The following CCSER1 variants were observed in gnomAD, a reference collection of about 807,000 sequenced individuals.
CCSER1 encodes coiled-coil serine rich protein 1.
A neutral mutation model predicts 82.0 loss-of-function variants in CCSER1; 41 were observed. The observed-to-expected ratio is 0.50, with a 90% confidence interval of 0.39 to 0.65. The LOEUF (loss-of-function observed/expected upper bound fraction) is 0.65, where lower values mean the gene tolerates loss of function less well. Among genes scored for constraint, CCSER1 ranks in the 30% least tolerant of loss-of-function variants. CCSER1 has a pLI of 0.00. For missense variants in CCSER1, 1,119 were observed against 1,064.2 expected (o/e 1.05, Z -0.72); for synonymous variants, 414 against 383.9 (o/e 1.08, Z -0.92).
At chr4:91,532,299 A>G (rs569989197) in intron 10 of CCSER1, among the ~76,000 whole-genome samples, 1 of 152,332 alleles carries the variant, frequency 6.6e-6, no homozygotes, top group East Asian at 1.9e-4. Context: ...TCTAACTAGA[A>G]AAAGACGCAT....
chr4:90,151,242 G>A (rs1257622526), intron 1 of CCSER1, among the ~76,000 whole-genome samples: 1 of 151,948 alleles, frequency 6.6e-6, no homozygotes, highest in Non-Finnish European at 1.5e-5. Context: ...GCCACCAGAG[G>A]TAAAATTGTA....
At chr4:90,722,250 C>T (rs1397975163) in intron 6 of CCSER1, among the ~76,000 whole-genome samples, 1 of 151,782 alleles carries the variant, frequency 6.6e-6, no homozygotes, top group Admixed American at 6.6e-5. Context: ...ATAAGCTATG[C>T]AGGCTGTCCA....
chr4:91,147,843 A>G (rs1396666132), intron 10 of CCSER1, among the ~76,000 whole-genome samples: 1 of 152,250 alleles, frequency 6.6e-6, no homozygotes, highest in African/African-American at 2.4e-5. Flanking sequence ...AAAACACTGA[A>G]AACATTAATT....
At chr4:90,338,356 T>G (rs1355711865) in intron 3 of CCSER1, among the ~76,000 whole-genome samples, 1 of 152,226 alleles carries the variant, frequency 6.6e-6, no homozygotes, top group Non-Finnish European at 1.5e-5. Flanking sequence ...TCAATTTTCT[T>G]TTCCTTCTGC....
chr4:91,097,393 G>A (rs550483830), intron 10 of CCSER1, among the ~76,000 whole-genome samples: 9 of 152,292 alleles, frequency 5.9e-5, no homozygotes, highest in East Asian at 3.9e-4. Context: ...AAGTACAAAT[G>A]TGTAGTGATC....
At chr4:90,901,742 G>A (rs1353440309) in intron 8 of CCSER1, among the ~76,000 whole-genome samples, 2 of 151,878 alleles carry the variant, frequency 1.3e-5, no homozygotes, top group Non-Finnish European at 2.9e-5. Flanking sequence ...TGTTGACCTT[G>A]GATAATCTCA....
chr4:91,179,059 A>C (rs1335526789), intron 10 of CCSER1, among the ~76,000 whole-genome samples: 1 of 152,112 alleles, frequency 6.6e-6, no homozygotes, highest in Admixed American at 6.5e-5. Context: ...TTCTTTTATG[A>C]AGCTTAGTTT....
chr4:90,359,594 C>G (rs914521672), intron 3 of CCSER1, among the ~76,000 whole-genome samples: 1 of 151,508 alleles, frequency 6.6e-6, no homozygotes, highest in East Asian at 2.0e-4. Flanking sequence ...AAAAATTAGC[C>G]GGGCGTGATG....
intron 8 of CCSER1, among the ~76,000 whole-genome samples, chr4:90,878,401 A>T (rs562798199): frequency 2.0e-5 from 3 of 152,262 alleles, no homozygotes; most frequent in African/African-American, 4.8e-5. Context: ...TTCTTAATTC[A>T]TTTGTACCTC....
Position 90,825,597 on chromosome 4 carries a change from T to C in CCSER1, c.2094+9752T>C, listed in dbSNP as rs943606429. 4.6e-5 allele frequency among the ~76,000 whole-genome samples: 7 copies of C among 152,286 alleles called. No homozygotes were observed. The East Asian group carries it at 1.3e-3, about 29-fold the overall frequency. On this transcript the variant is annotated intron_variant, in intron 8 of 10. Coordinates refer to ENST00000509176, the MANE Select transcript of CCSER1 (RefSeq NM_001145065.2). ...GTCAAAAACAAAATTACAGCAAATT[T>C]AGTTTAAAGATGTAATTGGCTTTTA...
intron 10 of CCSER1, among the ~76,000 whole-genome samples, chr4:91,273,369 T>G (rs1742189626): frequency 6.6e-6 from 1 of 152,090 alleles, no homozygotes; most frequent in African/African-American, 2.4e-5. Flanking sequence ...TTTCAGCTAT[T>G]GTAAAAGGGG....
At chr4:90,625,688 T>G (rs1723131358) in intron 5 of CCSER1, among the ~76,000 whole-genome samples, 1 of 152,222 alleles carries the variant, frequency 6.6e-6, no homozygotes, top group African/African-American at 2.4e-5. Context: ...CTCTGCAACT[T>G]CAGCCATCAC....
intron 7 of CCSER1, among the ~76,000 whole-genome samples, chr4:90,756,102 C>T (rs1364388233): frequency 6.6e-6 from 1 of 152,048 alleles, no homozygotes; most frequent in Non-Finnish European, 1.5e-5. Flanking sequence ...GTGGCAGGCA[C>T]CTGTAATCCC....
At chr4:91,088,643 C>T (rs184763956) in intron 10 of CCSER1, among the ~76,000 whole-genome samples, 10 of 152,096 alleles carry the variant, frequency 6.6e-5, no homozygotes, top group African/African-American at 2.2e-4. Flanking sequence ...CATTTTTATA[C>T]GTGCATATTG....
At chr4:90,663,858 G>A (rs1376582559) in intron 6 of CCSER1, 6 of 364,730 alleles carry the variant, frequency 1.6e-5, no homozygotes, top group Admixed American at 1.6e-4. Flanking sequence ...CACTTGTCAA[G>A]GATGAGTGTT....
chr4:90,694,412 A>G (rs1736592552), intron 6 of CCSER1, among the ~76,000 whole-genome samples: 1 of 151,966 alleles, frequency 6.6e-6, no homozygotes, highest in African/African-American at 2.4e-5. Flanking sequence ...TCAAGTGGGT[A>G]GTTACTTAAT....
At chr4:91,425,745 T>G (rs571604550) in intron 10 of CCSER1, among the ~76,000 whole-genome samples, 200 of 152,258 alleles carry the variant, frequency 1.3e-3, no homozygotes, top group African/African-American at 4.6e-3. Context: ...AATGTGGAGT[T>G]GCTGCTCAAC....
At chr4:90,726,827 T>G (rs554833581) in intron 7 of CCSER1, among the ~76,000 whole-genome samples, 52 of 151,792 alleles carry the variant, frequency 3.4e-4, no homozygotes, top group African/African-American at 1.1e-3. Flanking sequence ...TCTGGAAACT[T>G]TGTGGATCTC....
chr4:91,249,323 TAA>T (rs1740071093), intron 10 of CCSER1, among the ~76,000 whole-genome samples: 1 of 152,174 alleles, frequency 6.6e-6, no homozygotes, highest in Non-Finnish European at 1.5e-5. Context: ...CCCAATAGTT[TAA>T]GTTTACTTAC....
Sources: gnomAD v4.1 joint callset for allele counts (sites outside exome capture counted in the v4.1 genomes callset) on GRCh38, gnomAD v4.1.1 for gene constraint, MANE v1.5 for transcripts, NCBI Gene and HGNC (gene_info 2026-07-23, HGNC 2026-07-21) for gene names.